The following ACOXL variants were observed in gnomAD, a reference collection of about 807,000 sequenced individuals.
ACOXL encodes acyl-coenzyme A oxidase-like protein.
In ACOXL, 70 loss-of-function variants were observed where a neutral mutation model predicts 71.9. The observed-to-expected ratio is 0.97, with a 90% CI of 0.80 to 1.19. The LOEUF (loss-of-function observed/expected upper bound fraction) is 1.19. ACOXL is among the 50% of genes most tolerant of loss of function. The pLI, the probability that ACOXL is intolerant of heterozygous loss-of-function variation, is 0.00. For synonymous variants in ACOXL, 253 were observed against 281.6 expected (o/e 0.90, Z 1.02); for missense variants, 703 against 736.3 (o/e 0.95, Z 0.52).
intron 12 of ACOXL, chr2:110,968,195 G>A (rs1828736): frequency 0.084 from 93,062 of 1,105,364 alleles, 6,273 homozygotes; most frequent in African/African-American, 0.3. Context: ...ATCTATGAAG[G>A]CCAAGTGTAG....
chr2:110,824,793 A>G (rs1688989620), intron 9 of ACOXL, among the ~76,000 whole-genome samples: 1 of 152,180 alleles, frequency 6.6e-6, no homozygotes, highest in African/African-American at 2.4e-5. Context: ...TAATAATTCC[A>G]ACATCTGGAT....
intron 2 of ACOXL, among the ~76,000 whole-genome samples, chr2:110,776,277 G>A (rs1187425039): frequency 6.6e-6 from 1 of 152,260 alleles, no homozygotes; most frequent in East Asian, 1.9e-4. Context: ...AGGGGAAATG[G>A]GAGTTAGTGT....
At chr2:111,064,313 G>GT (rs1431506708) in intron 16 of ACOXL, among the ~76,000 whole-genome samples, 1 of 152,028 alleles carries the variant, frequency 6.6e-6, no homozygotes, top group African/African-American at 2.4e-5. Context: ...GCGGGCACCT[G>GT]TAGTCCCGGC....
intron 1 of ACOXL, among the ~76,000 whole-genome samples, chr2:110,751,065 G>A (rs1381991678): frequency 6.6e-6 from 1 of 151,890 alleles, no homozygotes; most frequent in Non-Finnish European, 1.5e-5. Context: ...TTGGGAGGCC[G>A]AGGCAGGCGG....
chr2:110,890,744 G>T lies in ACOXL; in HGVS notation c.789-18045G>T, dbSNP rs77846472. Reference sequence around the variant, plus strand: ...ATCAAGTTTTCCAATTGAGAAGTGTGAGTCTTTCAACATTATTCTTTTTTT... The same window carrying T: ...ATCAAGTTTTCCAATTGAGAAGTGTTAGTCTTTCAACATTATTCTTTTTTT... On this transcript the variant is annotated intron_variant, in intron 10 of 17. Coordinates refer to ENST00000439055, the MANE Select transcript of ACOXL (RefSeq NM_001142807.4). Among the ~76,000 whole-genome samples the T allele has an allele frequency of 6.4e-3, 974 of 152,208 alleles. 8 individuals are homozygous for T. The highest frequency in any genetic ancestry group is 0.023 in the African/African-American group (946 of 41,536).
chr2:110,795,341 G>A (rs542098461), intron 5 of ACOXL, among the ~76,000 whole-genome samples: 3 of 152,168 alleles, frequency 2.0e-5, no homozygotes, highest in African/African-American at 4.8e-5. Context: ...AGCAAATGAT[G>A]TCCAAGATCA....
At chr2:110,981,651 C>T (rs929564027) in intron 12 of ACOXL, among the ~76,000 whole-genome samples, 4 of 152,168 alleles carry the variant, frequency 2.6e-5, no homozygotes, top group Admixed American at 6.5e-5. Flanking sequence ...GAAGCTCATT[C>T]GTTCTTTAAG....
chr2:111,024,256 G>A (rs1010149515), intron 14 of ACOXL, among the ~76,000 whole-genome samples: 2 of 152,180 alleles, frequency 1.3e-5, no homozygotes, highest in Admixed American at 1.3e-4. Context: ...GTCCTAACCC[G>A]CAGTACCTGT....
chr2:110,928,633 T>C (rs2060366633), intron 11 of ACOXL, among the ~76,000 whole-genome samples: 1 of 152,228 alleles, frequency 6.6e-6, no homozygotes, highest in Non-Finnish European at 1.5e-5. Context: ...TGGTTTTAGA[T>C]ATATTGTGGT....
At chr2:111,114,801 AG>A (rs2070231393) in intron 17 of ACOXL, among the ~76,000 whole-genome samples, 1 of 151,860 alleles carries the variant, frequency 6.6e-6, no homozygotes, top group African/African-American at 2.4e-5. Flanking sequence ...AGTCAAAAAG[AG>A]CAGAAAAATA....
intron 11 of ACOXL, among the ~76,000 whole-genome samples, chr2:110,921,254 AT>A (rs201771342): frequency 0.022 from 3,360 of 151,176 alleles, 60 homozygotes; most frequent in Non-Finnish European, 0.031. Context: ...CTTTTTCCAT[AT>A]TTTATGTGAT....
At chr2:110,854,176 G>A (rs1023988348) in intron 10 of ACOXL, among the ~76,000 whole-genome samples, 1 of 152,108 alleles carries the variant, frequency 6.6e-6, no homozygotes, top group Non-Finnish European at 1.5e-5. Context: ...TGCCCTTCAG[G>A]CTGTGCAGCA....
rs115755272 is a variant in ACOXL, at chr2:111,031,542, T to G, written c.1282-85T>G. On this transcript the variant is annotated intron_variant, in intron 14 of 17. Coordinates refer to ENST00000439055, the MANE Select transcript of ACOXL (RefSeq NM_001142807.4). ...CCATGCTTAATGTAGTACTGAAAAT[T>G]TGGATGTTTGCCGTCTGTCTTGCTA... 1.6e-4 allele frequency: 197 copies of G among 1,254,834 alleles called. No homozygotes were observed. In the African/African-American group the frequency reaches 2.6e-3, roughly 17 times the overall value. The allele number at this position is 1,254,834 out of a possible 1,614,324, so 77.7% of individuals were successfully genotyped here. A position where few individuals can be genotyped will look rare whatever the true frequency, so the allele number is the denominator to read the frequency against.
chr2:111,078,806 A>G (rs1257374633), intron 16 of ACOXL, among the ~76,000 whole-genome samples: 3 of 152,178 alleles, frequency 2.0e-5, no homozygotes, highest in Admixed American at 6.5e-5. Context: ...ATATTATGTT[A>G]TGAGATTCTG....
At chr2:110,975,069 A>G (rs1277115036) in intron 12 of ACOXL, among the ~76,000 whole-genome samples, 6 of 152,178 alleles carry the variant, frequency 3.9e-5, no homozygotes, top group African/African-American at 7.2e-5. Context: ...GCGGTGGGGC[A>G]TCAGCCCAGT....
intron 16 of ACOXL, among the ~76,000 whole-genome samples, chr2:111,061,657 A>G (rs2066820391): frequency 6.6e-6 from 1 of 152,166 alleles, no homozygotes; most frequent in African/African-American, 2.4e-5. Flanking sequence ...GAAAATTATA[A>G]CACTGATGTG....
At chr2:110,928,057 G>A (rs558194708) in intron 11 of ACOXL, among the ~76,000 whole-genome samples, 134 of 152,310 alleles carry the variant, frequency 8.8e-4, no homozygotes, top group African/African-American at 3.1e-3. Flanking sequence ...CTTTATTCCA[G>A]GCGAGCAACT....
chr2:110,871,785 G>A (rs1695314234), intron 10 of ACOXL, among the ~76,000 whole-genome samples: 1 of 152,116 alleles, frequency 6.6e-6, no homozygotes, highest in African/African-American at 2.4e-5. Context: ...TCAGCTCCAG[G>A]CACTGTTTGG....
intron 10 of ACOXL, among the ~76,000 whole-genome samples, chr2:110,906,537 CA>C (rs368985557): frequency 0.037 from 2,694 of 72,136 alleles, 56 homozygotes; most frequent in African/African-American, 0.14. Context: ...GACTCTGTCT[CA>C]AAAAAAAAAA....
Sources: allele counts gnomAD v4.1 joint callset (sites outside exome capture counted in the v4.1 genomes callset), GRCh38; gene constraint gnomAD v4.1.1; transcripts MANE v1.5; gene names NCBI Gene and HGNC (gene_info 2026-07-23, HGNC 2026-07-21).